The following KCNT2 variants were observed in gnomAD, a reference collection of about 807,000 sequenced individuals.
KCNT2 encodes potassium sodium-activated channel subfamily T member 2.
KCNT2 carries 67 observed loss-of-function variants against 153.8 expected under a neutral mutation model. The observed-to-expected ratio is 0.44, with a 90% CI of 0.36 to 0.53. The LOEUF (loss-of-function observed/expected upper bound fraction) is 0.53, where lower values mean the gene tolerates loss of function less well. Ranked by LOEUF, KCNT2 falls within the 20% of genes least tolerant of loss-of-function variation. The pLI is 0.00. For missense variants in KCNT2, 975 were observed against 1,354.8 expected (o/e 0.72, Z 4.40); for synonymous variants, 500 against 458.8 (o/e 1.09, Z -1.15).
intron 8 of KCNT2, 55 bp from the exon 9 acceptor site, chr1:196,429,812 C>T: frequency 5.6e-6 from 7 of 1,252,566 alleles, no homozygotes; most frequent in Non-Finnish European, 7.8e-6. Context: ...CACATAATTT[C>T]TCATCATTAT....
chr1:196,521,411 C>T (rs1653379261), intron 1 of KCNT2, among the ~76,000 whole-genome samples: 1 of 152,230 alleles, frequency 6.6e-6, no homozygotes, highest in South Asian at 2.1e-4. Flanking sequence ...GAGCTAAAAA[C>T]AGTACCACCA....
At chr1:196,393,649 G>T (rs958494258) in intron 13 of KCNT2, among the ~76,000 whole-genome samples, 1 of 151,302 alleles carries the variant, frequency 6.6e-6, no homozygotes, top group Admixed American at 6.6e-5. Context: ...CAACAGAGAA[G>T]AAAATATGAA....
At chr1:196,241,370 C>T (rs1348630870) in intron 26 of KCNT2, among the ~76,000 whole-genome samples, 1 of 151,894 alleles carries the variant, frequency 6.6e-6, no homozygotes, top group African/African-American at 2.4e-5. Context: ...ATAAAACTGG[C>T]TAGTTTTACA....
At chr1:196,464,283 T>C (rs1388310446) in intron 8 of KCNT2, among the ~76,000 whole-genome samples, 2 of 151,854 alleles carry the variant, frequency 1.3e-5, no homozygotes, top group African/African-American at 4.8e-5. Flanking sequence ...GGCGATAAGA[T>C]GGCTATATCG....
intron 8 of KCNT2, among the ~76,000 whole-genome samples, chr1:196,464,219 A>G (rs1174935809): frequency 6.6e-6 from 1 of 151,858 alleles, no homozygotes; most frequent in Non-Finnish European, 1.5e-5. Flanking sequence ...TAATGCAGTT[A>G]GATAATTGCT....
intron 19 of KCNT2, among the ~76,000 whole-genome samples, chr1:196,323,964 TAAAA>T (rs202104374): frequency 7.3e-6 from 1 of 137,448 alleles, no homozygotes; most frequent in African/African-American, 2.7e-5. Context: ...ATCTAATTGT[TAAAA>T]AAAAAAAAAA....
chr1:196,531,927 T>C (rs1654993131), intron 1 of KCNT2, among the ~76,000 whole-genome samples: 1 of 152,084 alleles, frequency 6.6e-6, no homozygotes, highest in South Asian at 2.1e-4. Flanking sequence ...GTATTCTAAA[T>C]AGGTTTATCT....
intron 1 of KCNT2, among the ~76,000 whole-genome samples, chr1:196,596,054 G>GTATATATATATATATATATA (rs766378425): frequency 2.2e-5 from 3 of 138,556 alleles, no homozygotes; most frequent in Admixed American, 1.4e-4. Flanking sequence ...ATTCCATGAT[G>GTATATATATATATATATATA]TGTATATATA....
At chr1:196,430,893 G>A (rs1333906065) in intron 8 of KCNT2, among the ~76,000 whole-genome samples, 1 of 152,122 alleles carries the variant, frequency 6.6e-6, no homozygotes, top group African/African-American at 2.4e-5. Context: ...AATTGCTATG[G>A]TTTGAATGCT....
intron 12 of KCNT2, among the ~76,000 whole-genome samples, chr1:196,414,936 G>C (rs1420841600): frequency 1.3e-5 from 2 of 151,880 alleles, no homozygotes; most frequent in Non-Finnish European, 1.5e-5. Flanking sequence ...AGTGACACTG[G>C]CTTGATCATA....
chr1:196,238,110 A>C (rs889295118), intron 26 of KCNT2, among the ~76,000 whole-genome samples: 1 of 151,916 alleles, frequency 6.6e-6, no homozygotes, highest in African/African-American at 2.4e-5. Context: ...CAATGACATT[A>C]TTGAACTGTG....
chr1:196,346,600 C>G (rs1225279758), intron 14 of KCNT2, among the ~76,000 whole-genome samples: 11 of 151,904 alleles, frequency 7.2e-5, no homozygotes, highest in African/African-American at 2.2e-4. Context: ...TATTATTGAC[C>G]TTGAAAATTT....
chr1:196,337,162 C>A (rs762399341), intron 16 of KCNT2, among the ~76,000 whole-genome samples: 1 of 151,308 alleles, frequency 6.6e-6, no homozygotes, highest in Non-Finnish European at 1.5e-5. Context: ...CCTTCACCCC[C>A]GCAAAACCTG....
chr1:196,602,833 G>A (rs1664893682), intron 1 of KCNT2, among the ~76,000 whole-genome samples: 1 of 134,486 alleles, frequency 7.4e-6, no homozygotes, highest in South Asian at 2.2e-4. Flanking sequence ...AGGCCGGACT[G>A]CGGACTGCAG....
At chr1:196,314,335 A>G (rs1183534103) in intron 21 of KCNT2, among the ~76,000 whole-genome samples, 2 of 151,586 alleles carry the variant, frequency 1.3e-5, no homozygotes, top group Non-Finnish European at 3.0e-5. Flanking sequence ...CTCACTAGCT[A>G]TAAATCTCAT....
At chr1:196,364,396 C>T (rs945186565) in intron 14 of KCNT2, among the ~76,000 whole-genome samples, 1 of 152,124 alleles carries the variant, frequency 6.6e-6, no homozygotes, top group African/African-American at 2.4e-5. Context: ...AATAATTTTG[C>T]CTTGTAACAC....
chr1:196,605,391 A>G (rs1665204498), intron 1 of KCNT2, among the ~76,000 whole-genome samples: 1 of 152,110 alleles, frequency 6.6e-6, no homozygotes, highest in Admixed American at 6.5e-5. Context: ...ACAGTGTAGA[A>G]CATGCTTCAG....
chr1:196,330,847 A>G (rs2148098971), intron 18 of KCNT2, among the ~76,000 whole-genome samples: 1 of 152,086 alleles, frequency 6.6e-6, no homozygotes, highest in South Asian at 2.1e-4. Context: ...CATTTGACCC[A>G]AGTGATTTTT....
At chr1:196,492,625 T>C (rs1282228621) in intron 1 of KCNT2, among the ~76,000 whole-genome samples, 1 of 152,148 alleles carries the variant, frequency 6.6e-6, no homozygotes, top group South Asian at 2.1e-4. Context: ...TTTGTATTAA[T>C]GAATATAATG....
Sources: allele counts gnomAD v4.1 joint callset (sites outside exome capture counted in the v4.1 genomes callset), GRCh38; gene constraint gnomAD v4.1.1; transcripts MANE v1.5; gene names NCBI Gene and HGNC (gene_info 2026-07-23, HGNC 2026-07-21).